ATP6V0D2: variants seen among roughly 807,000 people sequenced by gnomAD.
The protein encoded by ATP6V0D2 is V-type proton ATPase subunit d 2.
In ATP6V0D2, 40 loss-of-function variants were observed where a neutral mutation model predicts 40.0. The ratio of observed to expected loss-of-function variants is 1.00; its 90% CI spans 0.78 to 1.30. The LOEUF (loss-of-function observed/expected upper bound fraction) is 1.30, where lower values mean the gene tolerates loss of function less well. Ranked by LOEUF, ATP6V0D2 falls within the 50% of genes most tolerant of loss-of-function variation. ATP6V0D2 has a pLI of 0.00. For synonymous variants in ATP6V0D2, 179 were observed against 156.3 expected (o/e 1.15, Z -1.08); for missense variants, 470 against 423.1 (o/e 1.11, Z -0.97).
intron 3 of ATP6V0D2, among the ~76,000 whole-genome samples, 183 bp from the exon 4 acceptor site, chr8:86,141,267 C>T (rs75232455): frequency 1.3e-5 from 2 of 152,276 alleles, no homozygotes; most frequent in East Asian, 3.9e-4. Flanking sequence ...ATGATAAATG[C>T]TTAAAAAGTA....
chr8:86,102,818 C>T (rs1818421430), intron 1 of ATP6V0D2, among the ~76,000 whole-genome samples: 1 of 152,116 alleles, frequency 6.6e-6, no homozygotes, highest in Admixed American at 6.5e-5. Context: ...AATTAGTTCC[C>T]ATTGCCTTTG....
chr8:86,145,202 A>G (rs1314053191), intron 5 of ATP6V0D2, among the ~76,000 whole-genome samples: 35 of 10,758 alleles, frequency 3.3e-3, no homozygotes, highest in Admixed American at 4.0e-3. Flanking sequence ...AAGAAAAGAA[A>G]GAAAGAAAGA....
chr8:86,119,820 C>T (rs906030603), intron 2 of ATP6V0D2, among the ~76,000 whole-genome samples: 2 of 152,072 alleles, frequency 1.3e-5, no homozygotes, highest in Admixed American at 6.6e-5. Flanking sequence ...TCTACTCTTC[C>T]TATTGGCTAT....
intron 2 of ATP6V0D2, among the ~76,000 whole-genome samples, chr8:86,125,105 T>C (rs989356419): frequency 1.3e-5 from 2 of 152,116 alleles, no homozygotes; most frequent in African/African-American, 4.8e-5. Flanking sequence ...ACTACTGTTG[T>C]TGGGTTGCTG....
rs745714325 is a variant in ATP6V0D2, at chr8:86,151,513, A to G, written c.864A>G (p.Thr288=). The G allele has an allele frequency of 4.4e-6, 7 of 1,608,928 alleles. No individual in the cohort carries two copies. In the Admixed American group the frequency reaches 1.0e-4, roughly 23 times the overall value. ...CTGTAGGTGGCAGTGGGGGAAAGAC[A>G]TTGGAGGACGTGTTTTACGAGCGTG... The part of the protein sequence containing the change: ...FEAVGGSGGK[T]LEDVFYEREV... Residue 288 remains threonine, a synonymous_variant, in exon 7 of 8, where the codon ACA becomes ACG. Coordinates refer to ENST00000285393, the MANE Select transcript of ATP6V0D2 (RefSeq NM_152565.1).
intron 1 of ATP6V0D2, among the ~76,000 whole-genome samples, chr8:86,102,135 T>C (rs537601133): frequency 6.6e-6 from 1 of 152,276 alleles, no homozygotes; most frequent in Admixed American, 6.5e-5. Flanking sequence ...TGAGTATAAA[T>C]TGAAGATATA....
intron 2 of ATP6V0D2, among the ~76,000 whole-genome samples, chr8:86,138,380 G>T (rs1818925724): frequency 6.6e-6 from 1 of 152,078 alleles, no homozygotes. Context: ...ATTGTGATTT[G>T]TTGTAAATGA....
chr8:86,136,748 C>A (rs1045133327), intron 2 of ATP6V0D2, among the ~76,000 whole-genome samples: 1 of 152,126 alleles, frequency 6.6e-6, no homozygotes, highest in African/African-American at 2.4e-5. Context: ...GAATTCCCTG[C>A]CCAGGAAGTC....
chr8:86,100,413 A>T (rs1818380514), intron 1 of ATP6V0D2, among the ~76,000 whole-genome samples: 1 of 152,194 alleles, frequency 6.6e-6, no homozygotes, highest in Non-Finnish European at 1.5e-5. Context: ...GGGTATTAAA[A>T]GGCAAAAACG....
chr8:86,145,134 C>G (rs913192449), intron 5 of ATP6V0D2, among the ~76,000 whole-genome samples: 18 of 148,696 alleles, frequency 1.2e-4, no homozygotes, highest in Non-Finnish European at 2.1e-4. Context: ...TGCCACTGCT[C>G]TCCAGCTGGG....
At chr8:86,138,266 T>C (rs1162117209) in intron 2 of ATP6V0D2, among the ~76,000 whole-genome samples, 2 of 152,244 alleles carry the variant, frequency 1.3e-5, no homozygotes, top group Non-Finnish European at 2.9e-5. Context: ...AAGTTTCTAC[T>C]TGACTGTCAT....
At chr8:86,138,802 C>G (rs1211117467) in intron 2 of ATP6V0D2, among the ~76,000 whole-genome samples, 1 of 152,192 alleles carries the variant, frequency 6.6e-6, no homozygotes, top group Non-Finnish European at 1.5e-5. Context: ...TTTGTCCATT[C>G]TGATAAACCA....
rs144294046 is a variant in ATP6V0D2, at chr8:86,130,037, T to C, written c.303-9420T>C. On this transcript the variant is annotated intron_variant, in intron 2 of 7. Coordinates refer to ENST00000285393, the MANE Select transcript of ATP6V0D2 (RefSeq NM_152565.1). ...AAAAGAAAATAATAATCTATACTTC[T>C]CTATTTTCTCACTTATTTCCTCATC... 4.0e-3 allele frequency among the ~76,000 whole-genome samples: 609 copies of C among 151,588 alleles called. 4 individuals are homozygous for C. The highest frequency in any genetic ancestry group is 7.4e-3 in the Non-Finnish European group (501 of 67,870).
chr8:86,112,874 C>T (rs1818542436), intron 1 of ATP6V0D2, among the ~76,000 whole-genome samples: 3 of 152,142 alleles, frequency 2.0e-5, no homozygotes, highest in Non-Finnish European at 4.4e-5. Context: ...GGACTAATCG[C>T]CTACTTCAGT....
Position 86,141,430 on chromosome 8 carries a change from AT to A in ATP6V0D2, c.482-19del. The A allele has an allele frequency of 6.3e-7, 1 of 1,594,972 alleles. No homozygotes were observed. The highest frequency in any genetic ancestry group is 8.6e-7 in the Non-Finnish European group (1 of 1,166,964). On this transcript the variant is annotated intron_variant, in intron 3 of 7. Transcript: ENST00000285393. Reference sequence around the variant, plus strand: ...TCTTGCTTAAGATTCATTTTTTGGTATGGCAATTTCTGCTTTCAGCTCCATT... The same window carrying A: ...TCTTGCTTAAGATTCATTTTTTGGTAGGCAATTTCTGCTTTCAGCTCCATT...
At chr8:86,105,200 A>G (rs1476510874) in intron 1 of ATP6V0D2, among the ~76,000 whole-genome samples, 2 of 152,248 alleles carry the variant, frequency 1.3e-5, no homozygotes, top group Non-Finnish European at 2.9e-5. Flanking sequence ...ATCCTGAGGC[A>G]GAACATTTGC....
chr8:86,124,466 A>G (rs1007590348), intron 2 of ATP6V0D2, among the ~76,000 whole-genome samples: 13 of 152,312 alleles, frequency 8.5e-5, no homozygotes, highest in Middle Eastern at 3.4e-3. Context: ...TTTAAAAATC[A>G]TGATTTACTA....
chr8:86,114,483 A>C (rs1818567796), intron 2 of ATP6V0D2, among the ~76,000 whole-genome samples: 1 of 152,116 alleles, frequency 6.6e-6, no homozygotes, highest in Non-Finnish European at 1.5e-5. Flanking sequence ...CAGCCTGACC[A>C]ATATGGCGAA....
At chr8:86,108,263 T>C (rs1818492565) in intron 1 of ATP6V0D2, among the ~76,000 whole-genome samples, 1 of 152,162 alleles carries the variant, frequency 6.6e-6, no homozygotes, top group African/African-American at 2.4e-5. Flanking sequence ...CACCTCAGCT[T>C]CCTGAGTATG....
Sources: allele counts gnomAD v4.1 joint callset (sites outside exome capture counted in the v4.1 genomes callset), GRCh38; gene constraint gnomAD v4.1.1; transcripts MANE v1.5; gene names NCBI Gene and HGNC (gene_info 2026-07-23, HGNC 2026-07-21).